Variants in ERCC8 observed in about 807,000 individuals in gnomAD.
The protein encoded by ERCC8 is ERCC excision repair 8, CSA ubiquitin ligase complex subunit, also known as DNA excision repair protein ERCC-8.
Under a neutral mutation model 54.9 loss-of-function variants are expected in ERCC8, and 52 were observed. The observed-to-expected ratio is 0.95, with a 90% CI of 0.76 to 1.19. The LOEUF (loss-of-function observed/expected upper bound fraction) is 1.19, where lower values mean the gene tolerates loss of function less well. Among genes scored for constraint, ERCC8 ranks in the 50% most tolerant of loss-of-function variants. The probability of loss-of-function intolerance (pLI) is 0.00; values close to 1 mark genes in which losing one functional copy is unlikely to be tolerated. For missense variants in ERCC8, 514 were observed against 466.1 expected (o/e 1.10, Z -0.95); for synonymous variants, 146 against 157.2 (o/e 0.93, Z 0.53).
chr5:60,879,467 G>C (rs1748131691), intron 11 of ERCC8, among the ~76,000 whole-genome samples: 1 of 152,066 alleles, frequency 6.6e-6, no homozygotes, highest in African/African-American at 2.4e-5. Context: ...TTGACAGTGG[G>C]GTGTTAAAGT....
At chr5:60,893,864 T>C (rs1748643694) in intron 9 of ERCC8, among the ~76,000 whole-genome samples, 1 of 152,208 alleles carries the variant, frequency 6.6e-6, no homozygotes, top group African/African-American at 2.4e-5. Flanking sequence ...AGTGCATTCA[T>C]GTTGTTGTGC....
intron 3 of ERCC8, among the ~76,000 whole-genome samples, chr5:60,920,120 A>G (rs1194664199): frequency 1.3e-5 from 2 of 151,982 alleles, no homozygotes; most frequent in Non-Finnish European, 2.9e-5. Flanking sequence ...GACATATAGC[A>G]AAACCCAAAC....
At chr5:60,881,273 T>TG (rs913366140) in intron 11 of ERCC8, among the ~76,000 whole-genome samples, 16 of 152,146 alleles carry the variant, frequency 1.1e-4, no homozygotes, top group African/African-American at 3.6e-4. Flanking sequence ...CTGCCCCTAC[T>TG]GGGGGGTGCC....
At chr5:60,927,772 C>A (rs1749793940) in intron 2 of ERCC8, among the ~76,000 whole-genome samples, 1 of 152,148 alleles carries the variant, frequency 6.6e-6, no homozygotes. Context: ...GAAGGTGTTA[C>A]ACTGAGCCTG....
rs757206580 is a variant in ERCC8 at position 60,903,752 on chromosome 5, A to G, written c.482-36T>C. 14 of 1,594,334 alleles carry G rather than the reference A, an allele frequency of 8.8e-6. No individual in the cohort carries two copies. In the South Asian group the frequency reaches 1.0e-4, roughly 11 times the overall value. On this transcript the variant is annotated intron_variant, in intron 5 of 11. Transcript: ENST00000676185. ...AGAACCGGTTTAAGATAATTTTATC[A>G]TAAGTCATCATCAAAAGGAAACAAG...
chr5:60,873,717 T>G lies in ERCC8; in HGVS notation c.*898A>C, dbSNP rs577477642. 1 of 152,270 alleles carries G rather than the reference T, an allele frequency of 6.6e-6. No homozygotes were observed. The highest frequency in any genetic ancestry group is 2.1e-4 in the South Asian group (1 of 4,816). 9.4% of individuals were successfully genotyped at this position (152,270 alleles called of 1,614,324 possible). Reference sequence around the variant, plus strand: ...AAACAAAAAACCCTCAACAACTGTTTACTTTTGGTATTCAAGCTCATAAAA... The same window carrying G: ...AAACAAAAAACCCTCAACAACTGTTGACTTTTGGTATTCAAGCTCATAAAA... On this transcript the variant is annotated 3_prime_UTR_variant, in exon 12 of 12. Transcript: ENST00000676185.
intron 1 of ERCC8, among the ~76,000 whole-genome samples, chr5:60,935,581 G>T (rs1263536297): frequency 2.6e-5 from 4 of 152,166 alleles, no homozygotes; most frequent in African/African-American, 9.7e-5. Flanking sequence ...ATGTTGAATA[G>T]AAGTGGTGAA....
chr5:60,884,236 T>C (rs1748326417), intron 11 of ERCC8, among the ~76,000 whole-genome samples: 1 of 151,986 alleles, frequency 6.6e-6, no homozygotes, highest in African/African-American at 2.4e-5. Flanking sequence ...TCCCAGGACT[T>C]TGGGAGGCCG....
intron 4 of ERCC8, among the ~76,000 whole-genome samples, chr5:60,910,966 TG>T (rs1406148652): frequency 1.3e-5 from 2 of 152,130 alleles, no homozygotes; most frequent in African/African-American, 4.8e-5. Context: ...CCAAATAAAA[TG>T]GTTGCTTTAG....
At position 60,866,477 on chromosome 5, in the gene ERCC8, AT is replaced by A. The variant is rs1191129274; in HGVS notation, c.*8137del. 1.3e-5 allele frequency: 2 copies of A among 152,184 alleles called. No individual in the cohort carries two copies. The highest frequency in any genetic ancestry group is 4.8e-5 in the African/African-American group (2 of 41,450). 9.4% of individuals were successfully genotyped at this position (152,184 alleles called of 1,614,324 possible). The stretch of plus-strand genomic sequence containing the variant: ...AGTGATTCTTATATTTCAGAACTTT[AT>A]TTCATTTATTCTTACAACTTTGTAA... On this transcript the variant is annotated 3_prime_UTR_variant, in exon 12 of 12. Coordinates refer to ENST00000676185, the MANE Select transcript of ERCC8 (RefSeq NM_000082.4).
At chr5:60,881,273 TG>T (rs913366140) in intron 11 of ERCC8, among the ~76,000 whole-genome samples, 1 of 152,146 alleles carries the variant, frequency 6.6e-6, no homozygotes, top group Non-Finnish European at 1.5e-5. Context: ...CTGCCCCTAC[TG>T]GGGGGTGCCT....
intron 4 of ERCC8, among the ~76,000 whole-genome samples, chr5:60,914,989 T>C (rs1749389387): frequency 6.6e-6 from 1 of 151,956 alleles, no homozygotes; most frequent in South Asian, 2.1e-4. Context: ...TACATATTAA[T>C]AGTTGATTTA....
At position 60,894,791 on chromosome 5, in the gene ERCC8, G is replaced by A. The variant is rs549227876; in HGVS notation, c.843+3485C>T. On this transcript the variant is annotated intron_variant, in intron 9 of 11. Coordinates refer to ENST00000676185, the MANE Select transcript of ERCC8 (RefSeq NM_000082.4). Reference sequence around the variant, plus strand: ...AATAATTTTGATAAGCTTGGGGTGAGTGTAAAACCAGTAACTAATCATTTG... The same window carrying A: ...AATAATTTTGATAAGCTTGGGGTGAATGTAAAACCAGTAACTAATCATTTG... 1.4e-4 allele frequency among the ~76,000 whole-genome samples: 22 copies of A among 152,288 alleles called. No homozygotes were observed. In the South Asian group the frequency reaches 3.9e-3, roughly 27 times the overall value.
At chr5:60,876,565 C>T (rs1748014924) in intron 11 of ERCC8, among the ~76,000 whole-genome samples, 1 of 152,240 alleles carries the variant, frequency 6.6e-6, no homozygotes, top group East Asian at 1.9e-4. Flanking sequence ...TTTTAATGAT[C>T]ACCATTCTAA....
chr5:60,941,202 T>A (rs1387783319), intron 1 of ERCC8, among the ~76,000 whole-genome samples: 1 of 152,120 alleles, frequency 6.6e-6, no homozygotes, highest in Non-Finnish European at 1.5e-5. Context: ...TTGAAACAGA[T>A]GTTAAAACAG....
intron 3 of ERCC8, among the ~76,000 whole-genome samples, chr5:60,920,323 T>C (rs1749565579): frequency 6.6e-6 from 1 of 152,008 alleles, no homozygotes; most frequent in Non-Finnish European, 1.5e-5. Context: ...CTACAGAGAT[T>C]TTTCCAGTGA....
chr5:60,883,795 ATAGATAGGCT>A (rs1748315529), intron 11 of ERCC8, among the ~76,000 whole-genome samples: 1 of 152,224 alleles, frequency 6.6e-6, no homozygotes, highest in South Asian at 2.1e-4. Flanking sequence ...ATTAGGAGTT[ATAGATAGGCT>A]TGTCTTGACC....
intron 3 of ERCC8, among the ~76,000 whole-genome samples, chr5:60,920,037 G>A (rs1258159150): frequency 6.6e-6 from 1 of 151,918 alleles, no homozygotes; most frequent in African/African-American, 2.4e-5. Flanking sequence ...GAAAGCAAGG[G>A]ACTCTAGACA....
chr5:60,902,530 A>G, intron 6 of ERCC8, 22 bp from the exon 7 acceptor site: 1 of 1,592,910 alleles, frequency 6.3e-7, no homozygotes, highest in East Asian at 2.2e-5. Context: ...ACTATATGAA[A>G]AGTCTTGCAA....
Sources: allele counts gnomAD v4.1 joint callset (sites outside exome capture counted in the v4.1 genomes callset), GRCh38; gene constraint gnomAD v4.1.1; transcripts MANE v1.5; gene names NCBI Gene and HGNC (gene_info 2026-07-23, HGNC 2026-07-21).